Variants in RAP1GAP observed in about 807,000 individuals in gnomAD.
The protein encoded by RAP1GAP is rap1 GTPase-activating protein 1.
RAP1GAP carries 35 observed loss-of-function variants against 87.2 expected under a neutral mutation model. The observed-to-expected ratio is 0.40, with a 90% CI of 0.31 to 0.53. RAP1GAP has a LOEUF of 0.53. Ranked by LOEUF, RAP1GAP falls within the 20% of genes least tolerant of loss-of-function variation. The pLI, the probability that RAP1GAP is intolerant of heterozygous loss-of-function variation, is 0.48. For missense variants in RAP1GAP, 734 were observed against 898.9 expected (o/e 0.82, Z 2.35); for synonymous variants, 375 against 363.9 (o/e 1.03, Z -0.35).
intron 10 of RAP1GAP, among the ~76,000 whole-genome samples, chr1:21,612,442 C>T (rs2078996911): frequency 1.3e-5 from 2 of 152,160 alleles, no homozygotes; most frequent in African/African-American, 4.8e-5. Flanking sequence ...TCCACTCTAA[C>T]TCCCAACTCA....
In RAP1GAP at chr1:21,614,094, A is replaced by G; in HGVS notation, c.292-5T>C. 2 of 1,581,948 alleles carry G rather than the reference A, an allele frequency of 1.3e-6. No homozygotes were observed. Among genetic ancestry groups the G allele is most frequent in the Non-Finnish European group, 1.7e-6 (2 of 1,155,014 alleles). On this transcript the variant is annotated splice_polypyrimidine_tract_variant and splice_region_variant and intron_variant, in intron 7 of 24. Transcript: ENST00000374765. Reference sequence around the variant, plus strand: ...TGAGTAGTAATTGAAATGCTCCTGCAGTGGGAGGTGGGGGCCAGGGGAGTG... The same window carrying G: ...TGAGTAGTAATTGAAATGCTCCTGCGGTGGGAGGTGGGGGCCAGGGGAGTG...
intron 3 of RAP1GAP, among the ~76,000 whole-genome samples, chr1:21,621,609 G>C (rs2087656502): frequency 6.6e-6 from 1 of 152,218 alleles, no homozygotes. Flanking sequence ...GGCAGTTACT[G>C]CAGAAACCAC....
chr1:21,616,487 A>G (rs1178014818), intron 7 of RAP1GAP, among the ~76,000 whole-genome samples: 3 of 152,234 alleles, frequency 2.0e-5, no homozygotes, highest in African/African-American at 7.2e-5. Flanking sequence ...TAACTTGCCC[A>G]AGGTCACACA....
intron 7 of RAP1GAP, 100 bp from the exon 8 acceptor site, chr1:21,614,189 C>T (rs1013115982): frequency 1.6e-5 from 12 of 748,644 alleles, no homozygotes; most frequent in Middle Eastern, 3.7e-4. Flanking sequence ...GCAGGTCCTT[C>T]GCCGATAGCA....
Position 21,613,552 on chromosome 1 carries a change from G to T in RAP1GAP, c.474+76C>A. Reference sequence around the variant, plus strand: ...TAGGGCCTACAGCTGAAGGGGACGCGCCAAGGCAAGCTGAAGCCCCACAGG... The same window carrying T: ...TAGGGCCTACAGCTGAAGGGGACGCTCCAAGGCAAGCTGAAGCCCCACAGG... On this transcript the variant is annotated intron_variant, in intron 9 of 24. Transcript: ENST00000374765. This position sits in a 1 kb window ranked among gnomAD's most constrained non-coding sequence, Gnocchi z 4.7. 1.4e-6 allele frequency: 2 copies of T among 1,382,696 alleles called. No homozygotes were observed. The highest frequency in any genetic ancestry group is 1.0e-6 in the Non-Finnish European group (1 of 971,664). 85.7% of individuals were successfully genotyped at this position (1,382,696 alleles called of 1,614,324 possible). A position where few individuals can be genotyped will look rare whatever the true frequency, so the allele number is the denominator to read the frequency against.
At position 21,659,640 on chromosome 1, in the gene RAP1GAP, G is replaced by T. The variant is rs1181061165; in HGVS notation, c.-149+9614C>A. On this transcript the variant is annotated intron_variant, in intron 1 of 24. Transcript: ENST00000374765. ...TCTGTGATCCTGACAACAGCCCCGT[G>T]AGGCTGATCCTGCAAGAGTTACATG... Among the ~76,000 whole-genome samples, 314 of 152,346 alleles carry T rather than the reference G, an allele frequency of 2.1e-3. 1 individual carries two copies. Among genetic ancestry groups the T allele is most frequent in the African/African-American group, 7.1e-3 (296 of 41,582 alleles).
At chr1:21,611,670 G>A in intron 12 of RAP1GAP, 46 bp downstream of exon 12, 2 of 1,612,806 alleles carry the variant, frequency 1.2e-6, no homozygotes, top group African/African-American at 1.3e-5. Flanking sequence ...CCCTGCCCAG[G>A]AGCACAAGTC....
At chr1:21,602,451 C>T (rs2069496409) in intron 19 of RAP1GAP, among the ~76,000 whole-genome samples, 1 of 152,222 alleles carries the variant, frequency 6.6e-6, no homozygotes, top group South Asian at 2.1e-4. Flanking sequence ...CTGTGGCCAC[C>T]CTGAAAACCA....
intron 1 of RAP1GAP, among the ~76,000 whole-genome samples, chr1:21,662,901 A>G (rs1210687181): frequency 6.6e-6 from 1 of 152,212 alleles, no homozygotes; most frequent in East Asian, 1.9e-4. Context: ...AAGTGCTTAC[A>G]TAGGGCCCAG....
Position 21,611,500 on chromosome 1 carries a change from C to T in RAP1GAP, c.795G>A (p.Met265Ile). The T allele has an allele frequency of 6.2e-7, 1 of 1,614,224 alleles. No homozygotes were observed. Among genetic ancestry groups the T allele is most frequent in the Non-Finnish European group, 8.5e-7 (1 of 1,180,038 alleles). Residue 265 changes from methionine (M) to isoleucine (I), a missense_variant, in exon 13 of 25, where the codon ATG (methionine) becomes ATA (isoleucine). By Grantham distance (10) the Met-to-Ile change is conservative. This residue lies in a region of RAP1GAP where 485 missense variants were observed against 646.2 expected (regional missense o/e 0.75). Transcript: ENST00000374765. ...VYCNFRNKEI[M>I]FHVSTKLPYT... The stretch of plus-strand genomic sequence containing the variant: ...ATGGCAGCTTGGTGGACACGTGAAA[C>T]ATGATCTCCTTGTTGCGGAAGTTGC...
At chr1:21,647,740 C>T (rs541136984) in intron 2 of RAP1GAP, among the ~76,000 whole-genome samples, 13 of 152,282 alleles carry the variant, frequency 8.5e-5, no homozygotes, top group African/African-American at 2.6e-4. Flanking sequence ...GGAACATTCA[C>T]GAATGCATGC....
chr1:21,651,705 C>A, intron 1 of RAP1GAP: 1 of 1,443,742 alleles, frequency 6.9e-7, no homozygotes, highest in Non-Finnish European at 9.4e-7. Flanking sequence ...GAGCACACCC[C>A]GCACGGGCTC....
chr1:21,627,615 A>G (rs1287122494), intron 2 of RAP1GAP, among the ~76,000 whole-genome samples: 1 of 151,790 alleles, frequency 6.6e-6, no homozygotes, highest in African/African-American at 2.4e-5. Context: ...GGGTTTCTCC[A>G]TGTTGGTCAG....
Position 21,649,832 on chromosome 1 carries a change from C to T in RAP1GAP, c.-148-36G>A, listed in dbSNP as rs1395599767. On this transcript the variant is annotated intron_variant, in intron 1 of 24. Transcript: ENST00000374765. ...ACAAGAGGGGCCATAGGTGAGGGGA[C>T]ATCCCTTCTCACCAGCTTGGCCCAG... The T allele has an allele frequency of 1.9e-6, 3 of 1,546,246 alleles. No individual in the cohort carries two copies. In the Admixed American group the frequency reaches 5.9e-5, roughly 30 times the overall value.
chr1:21,658,717 T>C (rs1366128333), intron 1 of RAP1GAP, among the ~76,000 whole-genome samples: 1 of 152,078 alleles, frequency 6.6e-6, no homozygotes, highest in Non-Finnish European at 1.5e-5. Context: ...TCCATCTCTA[T>C]TACGATAATT....
chr1:21,631,867 TGTCCTCA>T lies in RAP1GAP; in HGVS notation c.-112-5477_-112-5471del, dbSNP rs374248327. Among the ~76,000 whole-genome samples, 496 of 152,286 alleles carry T rather than the reference TGTCCTCA, an allele frequency of 3.3e-3. 3 individuals are homozygous for T. Among genetic ancestry groups the T allele is most frequent in the African/African-American group, 0.011 (474 of 41,568 alleles). On this transcript the variant is annotated intron_variant, in intron 2 of 24. Coordinates refer to ENST00000374765, the MANE Select transcript of RAP1GAP (RefSeq NM_002885.4). ...GTCCCTTCCACAGCGTGCATCCCACTGTCCTCAGCCCAGGCCCTCAGTCCCGTCACCT... is the reference window on the plus strand; with the variant it reads ...GTCCCTTCCACAGCGTGCATCCCACTGCCCAGGCCCTCAGTCCCGTCACCT...
chr1:21,664,253 G>A (rs1355741446), intron 1 of RAP1GAP, among the ~76,000 whole-genome samples: 1 of 152,170 alleles, frequency 6.6e-6, no homozygotes, highest in Middle Eastern at 3.2e-3. Flanking sequence ...TTGCACACTG[G>A]GAGAAAATGA....
rs1368999717 is a variant in RAP1GAP, at chr1:21,603,525, G to A, written c.1429-612C>T. ...GAGGGATGGCGCTCCATGCAGACCG[G>A]CGATATTGGGGGACGTGCGGCTGGG... is the stretch of plus-strand genomic sequence containing the variant. On this transcript the variant is annotated intron_variant, in intron 18 of 24. Transcript: ENST00000374765. This position sits in a 1 kb window ranked among gnomAD's most constrained non-coding sequence, Gnocchi z 6.0. 1.2e-5 allele frequency: 7 copies of A among 603,434 alleles called. No homozygotes were observed. In the East Asian group the frequency reaches 1.7e-4, roughly 14 times the overall value. 37.4% of individuals were successfully genotyped at this position (603,434 alleles called of 1,614,324 possible).
chr1:21,638,908 G>A (rs1396355751), intron 2 of RAP1GAP, among the ~76,000 whole-genome samples: 2 of 152,156 alleles, frequency 1.3e-5, no homozygotes, highest in Non-Finnish European at 2.9e-5. Context: ...TGAGCCAGGC[G>A]TCACAGAGCT....
Sources: gnomAD v4.1 joint callset for allele counts (sites outside exome capture counted in the v4.1 genomes callset) on GRCh38, gnomAD v4.1.1 for gene constraint, gnomAD v4.1.1 regional missense constraint, Gnocchi (gnomAD v3.1) non-coding constraint, MANE v1.5 for transcripts, NCBI Gene and HGNC (gene_info 2026-07-23, HGNC 2026-07-21) for gene names.